The following RSPH14 variants were observed in gnomAD, a reference collection of about 807,000 sequenced individuals.
RSPH14 encodes the protein radial spoke head 14 homolog.
RSPH14 carries 20 observed loss-of-function variants against 26.7 expected under a neutral mutation model. The ratio of observed to expected loss-of-function variants is 0.75; its 90% CI spans 0.53 to 1.09. RSPH14 has a LOEUF of 1.09. RSPH14 is among the 50% of genes least tolerant of loss of function. RSPH14 has a pLI of 0.00. For missense variants in RSPH14, 449 were observed against 457.2 expected (o/e 0.98, Z 0.16); for synonymous variants, 177 against 189.3 (o/e 0.93, Z 0.53).
chr22:23,117,534 G>A (rs1256069218), intron 4 of RSPH14, among the ~76,000 whole-genome samples: 2 of 152,226 alleles, frequency 1.3e-5, no homozygotes, highest in African/African-American at 4.8e-5. Context: ...GGGACAGAGG[G>A]AAGCAGGTCT....
At chr22:23,082,510 C>T (rs1428139785) in intron 4 of RSPH14, among the ~76,000 whole-genome samples, 4 of 151,782 alleles carry the variant, frequency 2.6e-5, no homozygotes, top group Non-Finnish European at 4.4e-5. Flanking sequence ...TGAGCCACCG[C>T]GCCCGGCCTC....
At chr22:23,132,303 G>T (rs2070373494) in intron 4 of RSPH14, among the ~76,000 whole-genome samples, 1 of 152,096 alleles carries the variant, frequency 6.6e-6, no homozygotes, top group Non-Finnish European at 1.5e-5. Flanking sequence ...TCCTATCATG[G>T]CCCTTGAAAT....
upstream of RSPH14, among the ~76,000 whole-genome samples, chr22:23,144,608 C>T (rs1466643317): frequency 6.6e-6 from 1 of 151,506 alleles, no homozygotes; most frequent in East Asian, 1.9e-4. Flanking sequence ...GTCCCAAGGA[C>T]TGGGGAGGCT....
At chr22:23,139,432 C>A (rs2070549774) in intron 2 of RSPH14, among the ~76,000 whole-genome samples, 1 of 152,178 alleles carries the variant, frequency 6.6e-6, no homozygotes, top group Non-Finnish European at 1.5e-5. Context: ...ACCAGCCTGG[C>A]CAACATGGTG....
chr22:23,102,110 C>T (rs1310102581), intron 4 of RSPH14, among the ~76,000 whole-genome samples: 1 of 152,236 alleles, frequency 6.6e-6, no homozygotes, highest in South Asian at 2.1e-4. Context: ...CCTTCAGCAC[C>T]GGCTCCCCGC....
At chr22:23,079,594 A>G (rs759790245) in intron 4 of RSPH14, among the ~76,000 whole-genome samples, 12 of 152,192 alleles carry the variant, frequency 7.9e-5, no homozygotes, top group Non-Finnish European at 1.2e-4. Context: ...TTTCAAGCAC[A>G]AGTGAGACAT....
chr22:23,113,619 C>T (rs1446393560), intron 4 of RSPH14, among the ~76,000 whole-genome samples: 1 of 152,250 alleles, frequency 6.6e-6, no homozygotes, highest in Non-Finnish European at 1.5e-5. Flanking sequence ...CTTCCCTGTT[C>T]CACAGCTGCA....
At chr22:23,159,046 G>T in the RSPH14 span, 1 of 1,589,102 alleles carries the variant, frequency 6.3e-7, no homozygotes. Context: ...AGCCCTCATT[G>T]GAGGAGCCAT....
chr22:23,076,208 AT>A (rs561371024), intron 4 of RSPH14, among the ~76,000 whole-genome samples: 1 of 151,892 alleles, frequency 6.6e-6, no homozygotes, highest in East Asian at 1.9e-4. Flanking sequence ...TCCTGCTGCT[AT>A]TTTTTTCCCC....
At chr22:23,172,480 C>T in the RSPH14 span, among the ~76,000 whole-genome samples, 6 of 151,210 alleles carry the variant, frequency 4.0e-5, no homozygotes, top group Admixed American at 6.6e-5. Flanking sequence ...TTTGGGAGGC[C>T]GAGGCGGGCA....
chr22:23,150,323 A>G, the RSPH14 span, among the ~76,000 whole-genome samples: 5 of 135,908 alleles, frequency 3.7e-5, no homozygotes, highest in Admixed American at 7.7e-5. Flanking sequence ...TTTTTTTGAG[A>G]CAGAGTCTCG....
At chr22:23,141,362 T>C (rs1325000893) in intron 1 of RSPH14, among the ~76,000 whole-genome samples, 1 of 151,168 alleles carries the variant, frequency 6.6e-6, no homozygotes, top group Non-Finnish European at 1.5e-5. Context: ...GATTAACTTT[T>C]ATTGCCGACA....
At chr22:23,081,994 G>A (rs1370485304) in intron 4 of RSPH14, among the ~76,000 whole-genome samples, 5 of 150,618 alleles carry the variant, frequency 3.3e-5, no homozygotes, top group South Asian at 4.2e-4. Flanking sequence ...GTGTGGTGGC[G>A]GGCACCTGTA....
intron 5 of RSPH14, among the ~76,000 whole-genome samples, chr22:23,062,195 A>C (rs1479825609): frequency 6.6e-6 from 1 of 152,232 alleles, no homozygotes; most frequent in Non-Finnish European, 1.5e-5. Flanking sequence ...GCCAGCACAC[A>C]GAAAAGAAAT....
intron 4 of RSPH14, among the ~76,000 whole-genome samples, chr22:23,084,077 G>A (rs1164840257): frequency 1.3e-5 from 2 of 152,140 alleles, no homozygotes; most frequent in African/African-American, 4.8e-5. Flanking sequence ...TTCCCCAGAG[G>A]GCAGTTCCTG....
At chr22:23,076,264 A>G (rs1205579821) in intron 4 of RSPH14, among the ~76,000 whole-genome samples, 1 of 152,152 alleles carries the variant, frequency 6.6e-6, no homozygotes, top group Non-Finnish European at 1.5e-5. Flanking sequence ...TGATTCATTC[A>G]TCGTATGTGT....
At chr22:23,115,177 G>A (rs2069788272) in intron 4 of RSPH14, among the ~76,000 whole-genome samples, 1 of 152,170 alleles carries the variant, frequency 6.6e-6, no homozygotes, top group Admixed American at 6.5e-5. Context: ...GGTCAGTACA[G>A]AGCCTTCCCC....
At chr22:23,120,141 C>T (rs553717443) in intron 4 of RSPH14, among the ~76,000 whole-genome samples, 1 of 152,274 alleles carries the variant, frequency 6.6e-6, no homozygotes, top group South Asian at 2.1e-4. Context: ...GAGATAAGTA[C>T]CTGAGTTTCC....
In RSPH14 at chr22:23,095,872, C is replaced by T. The variant is rs747688880; in HGVS notation, c.422-31739G>A. ...AACAGATGAAGATCATCCACAGCGG[C>T]GGCTTCAACCTGGAGGCCTGCAAGG... is the stretch of plus-strand genomic sequence containing the variant. On this transcript the variant is annotated intron_variant, in intron 4 of 6. Transcript: ENST00000216036. 87 of 1,613,574 alleles carry T rather than the reference C, an allele frequency of 5.4e-5. No homozygotes were observed. The East Asian group carries it at 1.3e-3, about 24-fold the overall frequency.
Sources: allele counts gnomAD v4.1 joint callset (sites outside exome capture counted in the v4.1 genomes callset), GRCh38; gene constraint gnomAD v4.1.1; transcripts MANE v1.5; gene names NCBI Gene and HGNC (gene_info 2026-07-23, HGNC 2026-07-21).